The following PTGES3 variants were observed in gnomAD, a reference collection of about 807,000 sequenced individuals.
The protein encoded by PTGES3 is Hsp90 co-chaperone.
PTGES3 carries 5 observed loss-of-function variants against 29.9 expected under a neutral mutation model. That is an observed-to-expected ratio of 0.17 (90% confidence interval 0.09 to 0.35). The LOEUF (loss-of-function observed/expected upper bound fraction) is 0.35. Among genes scored for constraint, PTGES3 ranks in the 10% least tolerant of loss-of-function variants. The pLI is 1.00. For missense variants in PTGES3, 128 were observed against 190.0 expected (o/e 0.67, Z 1.92); for synonymous variants, 49 against 57.8 (o/e 0.85, Z 0.69).
chr12:56,679,748 C>T (rs1341502936), intron 1 of PTGES3, among the ~76,000 whole-genome samples: 2 of 152,034 alleles, frequency 1.3e-5, no homozygotes, highest in Non-Finnish European at 2.9e-5. Flanking sequence ...GATCTTGGCT[C>T]ACCGCAACCT....
Position 56,674,719 on chromosome 12 carries a change from G to A in PTGES3, c.3-1654C>T, listed in dbSNP as rs1240926752. Among the ~76,000 whole-genome samples the A allele has an allele frequency of 2.7e-4, 40 of 149,834 alleles. 1 individual carries two copies. Among genetic ancestry groups the A allele is most frequent in the East Asian group, 5.9e-4 (3 of 5,074 alleles). On this transcript the variant is annotated intron_variant, in intron 1 of 7. Coordinates refer to ENST00000262033, the MANE Select transcript of PTGES3 (RefSeq NM_006601.7). Reference sequence around the variant, plus strand: ...TAGGCGCCTGTAGTCCCAGCTACTCGGGAGGCTGAGACAGGAGAATGGCAT... The same window carrying A: ...TAGGCGCCTGTAGTCCCAGCTACTCAGGAGGCTGAGACAGGAGAATGGCAT...
chr12:56,665,414 C>T (rs1294073602), intron 6 of PTGES3: 9 of 859,894 alleles, frequency 1.0e-5, no homozygotes, highest in Non-Finnish European at 1.3e-5. Flanking sequence ...CCTGCCTCAG[C>T]CTCCCAAGTA....
At chr12:56,665,866 G>A (rs1048415522) in intron 6 of PTGES3, 19 of 897,280 alleles carry the variant, frequency 2.1e-5, no homozygotes, top group South Asian at 1.4e-4. Context: ...CTGACCTCAC[G>A]TACTCTGCCC....
At chr12:56,687,885 A>T in intron 1 of PTGES3, 113 bp downstream of exon 1, 1 of 1,582,650 alleles carries the variant, frequency 6.3e-7, no homozygotes, top group Non-Finnish European at 8.5e-7. Flanking sequence ...GCCCCCAGGC[A>T]GGAACGACTG....
At chr12:56,680,595 G>A (rs1367428993) in intron 1 of PTGES3, among the ~76,000 whole-genome samples, 1 of 151,888 alleles carries the variant, frequency 6.6e-6, no homozygotes, top group Non-Finnish European at 1.5e-5. Flanking sequence ...TGGTCAGGCT[G>A]GTCTCCAACT....
chr12:56,666,181 G>T (rs768973261), intron 6 of PTGES3, 23 bp downstream of exon 6: 2 of 1,595,616 alleles, frequency 1.3e-6, no homozygotes, highest in Non-Finnish European at 1.7e-6. Context: ...AAAGTAAACA[G>T]AAAAAAGAAT....
chr12:56,677,276 T>A (rs1952300869), intron 1 of PTGES3, among the ~76,000 whole-genome samples: 1 of 151,842 alleles, frequency 6.6e-6, no homozygotes. Context: ...TGCTACATTT[T>A]CCATAAAACA....
chr12:56,671,731 AAGGAAAATGAAACC>A lies in PTGES3; in HGVS notation c.285+4_285+17del. The A allele has an allele frequency of 6.9e-7, 1 of 1,458,888 alleles. No homozygotes were observed. The allele number at this position is 1,458,888 out of a possible 1,614,324, so 90.4% of individuals were successfully genotyped here. On this transcript the variant is annotated splice_donor_5th_base_variant and intron_variant, in intron 4 of 7. Transcript: ENST00000262033. ...AATAAAAATATCAAACTTTTCAAAA[AAGGAAAATGAAACC>A]TACCTTTGCCCTTTCTTTTGTTAAC... is the stretch of plus-strand genomic sequence containing the variant.
intron 1 of PTGES3, among the ~76,000 whole-genome samples, chr12:56,681,800 T>TG (rs1471982426): frequency 1.3e-5 from 2 of 151,382 alleles, no homozygotes; most frequent in African/African-American, 2.4e-5. Flanking sequence ...GAGCTTGCAG[T>TG]GAGCCGAAAT....
At chr12:56,665,970 A>G in intron 6 of PTGES3, 1 of 1,259,160 alleles carries the variant, frequency 7.9e-7, no homozygotes, top group South Asian at 2.1e-5. Flanking sequence ...ATGTCTCTAT[A>G]CAATGATTCT....
chr12:56,677,761 G>C (rs1356965658), intron 1 of PTGES3, among the ~76,000 whole-genome samples: 16 of 152,008 alleles, frequency 1.1e-4, no homozygotes, highest in Admixed American at 1.1e-3. Flanking sequence ...GGAGGGGTTT[G>C]CAGTACAATC....
chr12:56,685,680 G>C (rs139741663), intron 1 of PTGES3, among the ~76,000 whole-genome samples: 1,881 of 151,086 alleles, frequency 0.012, 42 homozygotes, highest in African/African-American at 0.044. Flanking sequence ...GATTACAGGA[G>C]TGAGCCACCC....
intron 4 of PTGES3, 136 bp downstream of exon 4, chr12:56,671,613 C>T (rs1046647310): frequency 2.1e-6 from 1 of 467,164 alleles, no homozygotes; most frequent in African/African-American, 2.0e-5. Context: ...ACTGAGTAGA[C>T]AAAAAACATG....
chr12:56,665,152 G>A (rs188865733), intron 6 of PTGES3: 7 of 985,240 alleles, frequency 7.1e-6, no homozygotes, highest in Non-Finnish European at 1.2e-6. Flanking sequence ...CCTAGCTGTT[G>A]AGTGAATATT....
At position 56,664,613 on chromosome 12, in the gene PTGES3, T is replaced by C. The variant is rs532546638; in HGVS notation, c.464-115A>G. 261 of 1,378,746 alleles carry C rather than the reference T, an allele frequency of 1.9e-4. 1 individual carries two copies. The South Asian group carries it at 2.4e-3, about 13-fold the overall frequency. The allele number at this position is 1,378,746 out of a possible 1,614,324, so 85.4% of individuals were successfully genotyped here. On this transcript the variant is annotated intron_variant, in intron 7 of 7. Coordinates refer to ENST00000262033, the MANE Select transcript of PTGES3 (RefSeq NM_006601.7). ...AATACATAGTTGCCCAATGAATTAA[T>C]AGGTTGTCTTGCTATCAAGTTATTC...
At chr12:56,674,825 C>CAAAAAAAAAAAAAAAAAAAAA (rs869222252) in intron 1 of PTGES3, among the ~76,000 whole-genome samples, 3 of 16,110 alleles carry the variant, frequency 1.9e-4, no homozygotes, top group Non-Finnish European at 2.9e-4. Flanking sequence ...GACTCCATCT[C>CAAAAAAAAAAAAAAAAAAAAA]AAAAAAAAAA....
At chr12:56,669,660 G>A (rs1002048297) in intron 5 of PTGES3, among the ~76,000 whole-genome samples, 4 of 151,972 alleles carry the variant, frequency 2.6e-5, no homozygotes, top group Admixed American at 6.6e-5. Flanking sequence ...TCGCCAGGCT[G>A]GAGTCCAGTG....
intron 1 of PTGES3, among the ~76,000 whole-genome samples, chr12:56,686,679 A>G (rs1484077152): frequency 6.6e-6 from 1 of 152,032 alleles, no homozygotes; most frequent in Non-Finnish European, 1.5e-5. Flanking sequence ...GCCCAGCCTA[A>G]TTCAAATTTT....
At chr12:56,685,921 C>T (rs1318061182) in intron 1 of PTGES3, among the ~76,000 whole-genome samples, 2 of 151,488 alleles carry the variant, frequency 1.3e-5, no homozygotes, top group East Asian at 4.0e-4. Flanking sequence ...GGACTACAGG[C>T]ATGCACCACC....
Sources: allele counts gnomAD v4.1 joint callset (sites outside exome capture counted in the v4.1 genomes callset), GRCh38; gene constraint gnomAD v4.1.1; transcripts MANE v1.5; gene names NCBI Gene and HGNC (gene_info 2026-07-23, HGNC 2026-07-21).